GPM6A: variants seen among roughly 807,000 people sequenced by gnomAD.
GPM6A encodes neuronal membrane glycoprotein M6-a.
A neutral mutation model predicts 32.1 loss-of-function variants in GPM6A; 7 were observed. The observed-to-expected ratio is 0.22, with a 90% CI of 0.12 to 0.41. GPM6A has a LOEUF of 0.41. GPM6A is among the 10% of genes least tolerant of loss of function. The probability of loss-of-function intolerance (pLI) is 1.00; values close to 1 mark genes in which losing one functional copy is unlikely to be tolerated. For synonymous variants in GPM6A, 130 were observed against 123.4 expected (o/e 1.05, Z -0.35); for missense variants, 235 against 347.2 (o/e 0.68, Z 2.57).
intron 1 of GPM6A, among the ~76,000 whole-genome samples, chr4:175,801,294 TA>T (rs1734461471): frequency 6.6e-6 from 1 of 152,100 alleles, no homozygotes; most frequent in African/African-American, 2.4e-5. Flanking sequence ...AGGATCACGT[TA>T]AAAACTTTTA....
intron 1 of GPM6A, among the ~76,000 whole-genome samples, chr4:175,999,403 T>G (rs545455838): frequency 6.6e-6 from 1 of 152,228 alleles, no homozygotes; most frequent in African/African-American, 2.4e-5. Flanking sequence ...TTCTGCAGAG[T>G]GAAATTTTGC....
At chr4:175,749,011 C>A (rs552183103) in intron 1 of GPM6A, among the ~76,000 whole-genome samples, 15 of 152,182 alleles carry the variant, frequency 9.9e-5, no homozygotes, top group African/African-American at 3.4e-4. Flanking sequence ...CTTTAACTTC[C>A]CCCCACCTCA....
chr4:175,994,836 T>G (rs1741255223), intron 1 of GPM6A, among the ~76,000 whole-genome samples: 1 of 152,248 alleles, frequency 6.6e-6, no homozygotes, highest in South Asian at 2.1e-4. Flanking sequence ...ATAGTAGAAC[T>G]TTCAAAATTG....
intron 6 of GPM6A, among the ~76,000 whole-genome samples, chr4:175,637,333 A>ATTATATATTATATAATATATTATATG (rs1740764128): frequency 1.3e-5 from 1 of 76,060 alleles, no homozygotes; most frequent in African/African-American, 5.1e-5. Flanking sequence ...TATATTATAT[A>ATTATATATTATATAATATATTATATG]TTATATATTA....
At chr4:175,637,667 TA>T (rs1314636132) in intron 6 of GPM6A, among the ~76,000 whole-genome samples, 62 of 530 alleles carry the variant, frequency 0.12, 2 homozygotes, top group East Asian at 0.44. Context: ...AAATATATAA[TA>T]TATATAATAT....
At chr4:175,864,565 A>G (rs1736672973) in intron 1 of GPM6A, among the ~76,000 whole-genome samples, 1 of 152,200 alleles carries the variant, frequency 6.6e-6, no homozygotes, top group African/African-American at 2.4e-5. Flanking sequence ...TTTAATAAAA[A>G]TTTACAAATA....
chr4:175,839,487 A>G (rs1735873504), intron 1 of GPM6A, among the ~76,000 whole-genome samples: 1 of 152,224 alleles, frequency 6.6e-6, no homozygotes, highest in African/African-American at 2.4e-5. Flanking sequence ...TCTTTTTGAA[A>G]GACACTTCAA....
At chr4:175,844,528 T>C (rs980850906) in intron 1 of GPM6A, among the ~76,000 whole-genome samples, 1 of 152,332 alleles carries the variant, frequency 6.6e-6, no homozygotes, top group African/African-American at 2.4e-5. Context: ...GTTTCAATAA[T>C]AGAACAGTGT....
chr4:175,693,944 C>T (rs548084565), intron 2 of GPM6A, among the ~76,000 whole-genome samples: 19 of 152,188 alleles, frequency 1.2e-4, no homozygotes, highest in East Asian at 5.8e-4. Context: ...GAGTGAGTTA[C>T]GGTGAGATGT....
intron 3 of GPM6A, among the ~76,000 whole-genome samples, chr4:175,652,878 T>C (rs1741885544): frequency 6.6e-6 from 1 of 152,148 alleles, no homozygotes; most frequent in African/African-American, 2.4e-5. Context: ...TATTTGGTTC[T>C]TCTGAATTTC....
intron 1 of GPM6A, chr4:175,891,363 G>GGAAATT (rs1737643311): frequency 6.6e-6 from 1 of 152,014 alleles, no homozygotes; most frequent in Non-Finnish European, 1.5e-5. Flanking sequence ...CTTCTTTTAG[G>GGAAATT]TAAGATTTGA....
chr4:175,738,763 G>A (rs1478345940), intron 1 of GPM6A, among the ~76,000 whole-genome samples: 2 of 152,098 alleles, frequency 1.3e-5, no homozygotes, highest in African/African-American at 4.8e-5. Flanking sequence ...TGTTCATACT[G>A]TAAACAATTT....
intron 1 of GPM6A, among the ~76,000 whole-genome samples, chr4:175,949,397 G>A (rs567910421): frequency 4.5e-4 from 68 of 152,010 alleles, no homozygotes; most frequent in African/African-American, 1.5e-3. Context: ...ACTCTTAACT[G>A]CAAGTGATCC....
chr4:175,719,605 T>G (rs2111111355), intron 1 of GPM6A, among the ~76,000 whole-genome samples: 1 of 152,250 alleles, frequency 6.6e-6, no homozygotes, highest in South Asian at 2.1e-4. Flanking sequence ...ACAATTAATT[T>G]GTTACAATGT....
chr4:175,656,170 AC>A (rs1742074596), intron 3 of GPM6A, among the ~76,000 whole-genome samples: 1 of 152,114 alleles, frequency 6.6e-6, no homozygotes, highest in Non-Finnish European at 1.5e-5. Flanking sequence ...CTCTTGACCC[AC>A]AAAAAAAAAT....
chr4:175,693,301 A>AAATATACATATATAAGTATATATATAT (rs1744399212), intron 2 of GPM6A, among the ~76,000 whole-genome samples: 1 of 148,746 alleles, frequency 6.7e-6, no homozygotes, highest in Non-Finnish European at 1.5e-5. Flanking sequence ...TATATATATA[A>AAATATACATATATAAGTATATATATAT]AATATACATA....
intron 1 of GPM6A, among the ~76,000 whole-genome samples, chr4:175,850,044 G>A (rs1736204829): frequency 6.6e-6 from 1 of 152,144 alleles, no homozygotes; most frequent in Non-Finnish European, 1.5e-5. Context: ...CCACCCTCAT[G>A]TGCTTCTATA....
chr4:175,753,063 G>A (rs1347993830), intron 1 of GPM6A, among the ~76,000 whole-genome samples: 2 of 152,044 alleles, frequency 1.3e-5, no homozygotes, highest in Non-Finnish European at 2.9e-5. Context: ...AAACCCACAG[G>A]GATGAATTCA....
intron 2 of GPM6A, among the ~76,000 whole-genome samples, chr4:175,692,274 T>C (rs758958548): frequency 1.6e-4 from 25 of 152,156 alleles, no homozygotes; most frequent in Admixed American, 3.3e-4. Context: ...AAAATTAATG[T>C]ACATATGGTC....
Sources: gnomAD v4.1 joint callset for allele counts (sites outside exome capture counted in the v4.1 genomes callset) on GRCh38, gnomAD v4.1.1 for gene constraint, MANE v1.5 for transcripts, NCBI Gene and HGNC (gene_info 2026-07-23, HGNC 2026-07-21) for gene names.